PRKN: variants seen among roughly 807,000 people sequenced by gnomAD.
PRKN encodes the protein parkin RBR E3 ubiquitin protein ligase.
PRKN carries 56 observed loss-of-function variants against 59.5 expected under a neutral mutation model. The observed-to-expected ratio is 0.94, with a 90% CI of 0.76 to 1.18. The LOEUF (loss-of-function observed/expected upper bound fraction) is 1.18, where lower values mean the gene tolerates loss of function less well. Ranked by LOEUF, PRKN falls within the 50% of genes most tolerant of loss-of-function variation. The pLI is 0.00. For synonymous variants in PRKN, 250 were observed against 222.1 expected (o/e 1.13, Z -1.12); for missense variants, 657 against 596.4 (o/e 1.10, Z -1.06).
At chr6:161,989,688 T>C (rs1781570129) in intron 5 of PRKN, among the ~76,000 whole-genome samples, 1 of 152,156 alleles carries the variant, frequency 6.6e-6, no homozygotes, top group African/African-American at 2.4e-5. Flanking sequence ...AGTGCCTGCA[T>C]GCTTCATCTG....
chr6:161,350,347 C>G, intron 11 of PRKN, 136 bp from the exon 12 acceptor site: 1 of 666,954 alleles, frequency 1.5e-6, no homozygotes, highest in South Asian at 1.7e-5. Context: ...CAGAGAGAAA[C>G]TTAACTGAGG....
chr6:162,218,044 G>A (rs6455802), intron 3 of PRKN, among the ~76,000 whole-genome samples: 30,215 of 152,098 alleles, frequency 0.2, 3,483 homozygotes, highest in East Asian at 0.51. Context: ...ACTGCACGCC[G>A]GGGTGACAGG....
intron 7 of PRKN, among the ~76,000 whole-genome samples, chr6:161,586,527 GAATC>G (rs936285554): frequency 1.3e-5 from 2 of 152,046 alleles, no homozygotes; most frequent in Non-Finnish European, 2.9e-5. Context: ...TTTGTGAAAC[GAATC>G]AATCAATCAA....
rs187128528 is a variant in PRKN at position 161,409,325 on chromosome 6, A to G, written c.1084-22448T>C. Among the ~76,000 whole-genome samples, 151 of 152,352 alleles carry G rather than the reference A, an allele frequency of 9.9e-4. 1 individual carries two copies. The highest frequency in any genetic ancestry group is 3.4e-3 in the African/African-American group (143 of 41,574). On this transcript the variant is annotated intron_variant, in intron 9 of 11. Coordinates refer to ENST00000366898, the MANE Select transcript of PRKN (RefSeq NM_004562.3). This position sits in a 1 kb window ranked among gnomAD's most constrained non-coding sequence, Gnocchi z 4.6. ...AAGCATTTTGGACAGAAAATCTCTG[A>G]GACGATGACAGCATTGTGTGTTCTC...
chr6:162,211,578 C>T (rs1396824786), intron 3 of PRKN, among the ~76,000 whole-genome samples: 2 of 152,116 alleles, frequency 1.3e-5, no homozygotes, highest in African/African-American at 4.8e-5. Flanking sequence ...AATGAACCCT[C>T]AGAGGAATGG....
intron 7 of PRKN, among the ~76,000 whole-genome samples, chr6:161,693,645 CA>C (rs1785897497): frequency 6.6e-6 from 1 of 152,200 alleles, no homozygotes; most frequent in Non-Finnish European, 1.5e-5. Context: ...TTAAAATTAA[CA>C]ACCACATTAT....
At chr6:162,431,179 T>TAA (rs61146591) in intron 2 of PRKN, among the ~76,000 whole-genome samples, 18 of 134,190 alleles carry the variant, frequency 1.3e-4, no homozygotes, top group South Asian at 2.5e-4. Context: ...ATTTAGTTGC[T>TAA]AAAAAAAAAA....
intron 1 of PRKN, among the ~76,000 whole-genome samples, chr6:162,620,009 TTAAA>T (rs1176928050): frequency 1.3e-5 from 2 of 151,822 alleles, no homozygotes; most frequent in Non-Finnish European, 2.9e-5. Context: ...TCTGATATGC[TTAAA>T]TACATATTAG....
chr6:162,584,824 TCCC>T (rs1562409222), intron 1 of PRKN, among the ~76,000 whole-genome samples: 18 of 6,676 alleles, frequency 2.7e-3, no homozygotes, highest in East Asian at 0.011. Flanking sequence ...TCCCCTCCCC[TCCC>T]CTGTCCCATC....
chr6:162,604,597 C>T (rs1411359451), intron 1 of PRKN, among the ~76,000 whole-genome samples: 1 of 151,910 alleles, frequency 6.6e-6, no homozygotes, highest in East Asian at 1.9e-4. Flanking sequence ...ATGTTTTTCC[C>T]CCACACTCAT....
chr6:162,469,943 T>A (rs1389205901), intron 1 of PRKN, among the ~76,000 whole-genome samples: 1 of 152,114 alleles, frequency 6.6e-6, no homozygotes, highest in Non-Finnish European at 1.5e-5. Context: ...TAACTGTCCA[T>A]AAGTATTCAA....
At chr6:162,342,547 A>G (rs1457060605) in intron 2 of PRKN, among the ~76,000 whole-genome samples, 1 of 152,098 alleles carries the variant, frequency 6.6e-6, no homozygotes, top group Non-Finnish European at 1.5e-5. Flanking sequence ...TTTACATAGT[A>G]AGTAAGTGGT....
chr6:162,142,289 A>G (rs570587068), intron 4 of PRKN, among the ~76,000 whole-genome samples: 16 of 152,316 alleles, frequency 1.1e-4, no homozygotes, highest in Admixed American at 9.8e-4. Flanking sequence ...TGCAGCACAG[A>G]TGGCAGCCCA....
chr6:162,225,729 T>C (rs1778140743), intron 3 of PRKN, among the ~76,000 whole-genome samples: 2 of 152,142 alleles, frequency 1.3e-5, no homozygotes, highest in Admixed American at 1.3e-4. Flanking sequence ...CAACCCACAG[T>C]AACAAAATTG....
At chr6:161,816,208 C>T (rs888285771) in intron 6 of PRKN, among the ~76,000 whole-genome samples, 4 of 151,950 alleles carry the variant, frequency 2.6e-5, no homozygotes, top group South Asian at 2.1e-4. Context: ...CAGCAGCATG[C>T]GTGAGTCTTA....
Position 161,360,183 on chromosome 6 carries a change from GC to G in PRKN, c.1189del (p.Ala397ProfsTer38), listed in dbSNP as rs1419186613. 6.2e-7 allele frequency: 1 copy of G among 1,613,980 alleles called. No homozygotes were observed. Among genetic ancestry groups the G allele is most frequent in the Non-Finnish European group, 8.5e-7 (1 of 1,179,914 alleles). On this transcript the variant is annotated frameshift_variant, in exon 11 of 12. Coordinates refer to ENST00000366898, the MANE Select transcript of PRKN (RefSeq NM_004562.3). LOFTEE classifies it high-confidence loss of function. The surrounding 1 kb of genome is among the most constrained non-coding windows in gnomAD (Gnocchi z 5.1). ...TTQAYRVDERAAEQARWEAAS... is the reference protein window; with the variant it reads ...TTQAYRVDERXAEQARWEAAS... Reference sequence around the variant, plus strand: ...TGCTTCCCAACGAGCCTGCTCGGCGGCTCTTTCATCGACTCTGTAGGCCTGG... The same window carrying G: ...TGCTTCCCAACGAGCCTGCTCGGCGGTCTTTCATCGACTCTGTAGGCCTGG...
At chr6:162,072,474 G>A (rs534977515) in intron 4 of PRKN, among the ~76,000 whole-genome samples, 2 of 152,148 alleles carry the variant, frequency 1.3e-5, no homozygotes, top group Non-Finnish European at 2.9e-5. Context: ...CACAAGCCCT[G>A]AGCCTGATTC....
intron 7 of PRKN, among the ~76,000 whole-genome samples, chr6:161,618,800 A>C (rs1782785957): frequency 6.6e-6 from 1 of 152,218 alleles, no homozygotes; most frequent in South Asian, 2.1e-4. Flanking sequence ...ACCATCTAGA[A>C]GATTAAAACC....
intron 1 of PRKN, among the ~76,000 whole-genome samples, chr6:162,599,399 C>G (rs1446344666): frequency 6.6e-6 from 1 of 152,074 alleles, no homozygotes; most frequent in Non-Finnish European, 1.5e-5. Flanking sequence ...ATTTGCGTGT[C>G]TTTTGTCCAG....
Sources: allele counts gnomAD v4.1 joint callset (sites outside exome capture counted in the v4.1 genomes callset), GRCh38; gene constraint gnomAD v4.1.1; non-coding constraint Gnocchi (gnomAD v3.1); transcripts MANE v1.5; gene names NCBI Gene and HGNC (gene_info 2026-07-23, HGNC 2026-07-21).